TNRC6B: variants seen among roughly 807,000 people sequenced by gnomAD.
TNRC6B encodes trinucleotide repeat containing adaptor 6B.
TNRC6B carries 52 observed loss-of-function variants against 203.6 expected under a neutral mutation model. That is an observed-to-expected ratio of 0.26 (90% CI 0.20 to 0.32). TNRC6B has a LOEUF of 0.32. TNRC6B is among the 10% of genes least tolerant of loss of function. The pLI is 1.00. For synonymous variants in TNRC6B, 838 were observed against 845.7 expected (o/e 0.99, Z 0.16); for missense variants, 1,923 against 2,286.2 (o/e 0.84, Z 3.24).
intron 22 of TNRC6B, 47 bp downstream of exon 22, chr22:40,321,276 G>T: frequency 6.3e-7 from 1 of 1,597,696 alleles, no homozygotes; most frequent in Non-Finnish European, 8.6e-7. Context: ...GCATGAAGAT[G>T]CACCCGTGAG....
intron 1 of TNRC6B, among the ~76,000 whole-genome samples, chr22:40,076,194 A>G (rs1018222102): frequency 1.5e-4 from 23 of 152,228 alleles, no homozygotes; most frequent in Non-Finnish European, 3.2e-4. Flanking sequence ...AGGCAGGAGG[A>G]TAGCTTGAGC....
At chr22:40,305,571 G>A (rs755265420) in intron 15 of TNRC6B, among the ~76,000 whole-genome samples, 1 of 152,242 alleles carries the variant, frequency 6.6e-6, no homozygotes, top group East Asian at 1.9e-4. Flanking sequence ...ATATCCTAGC[G>A]TCAGGCTGGT....
Position 40,278,024 on chromosome 22 carries a change from G to A in TNRC6B, c.3242G>A (p.Ser1081Asn), listed in dbSNP as rs535116242. 5 of 1,562,654 alleles carry A rather than the reference G, an allele frequency of 3.2e-6. No individual in the cohort carries two copies. The Admixed American group carries it at 7.7e-5, about 24-fold the overall frequency. The change falls in exon 9 of 23, where the codon AGC becomes AAC. Residue 1081 changes from serine to asparagine, a missense_variant. Ser to Asn is a conservative substitution (Grantham distance 46, BLOSUM62 1). This residue lies in a region of TNRC6B where 599 missense variants were observed against 656.5 expected (regional missense o/e 0.91). Transcript: ENST00000454349. Reference sequence around the variant, plus strand: ...AGTCAGACTGAAGATAATCCAAGCAGCAAAATGGATTTGTCTGTAGGTGTG... The same window carrying A: ...AGTCAGACTGAAGATAATCCAAGCAACAAAATGGATTTGTCTGTAGGTGTG... ...LLSQTEDNPS[S>N]KMDLSVGSLS... is the part of the protein sequence containing the mutation.
rs181542256 is a variant in TNRC6B, at chr22:40,192,191, T to C, written c.5+14051T>C. Among the ~76,000 whole-genome samples, 299 of 152,372 alleles carry C rather than the reference T, an allele frequency of 2.0e-3. 3 individuals carry two copies. In the Middle Eastern group the frequency reaches 0.024, roughly 12 times the overall value. On this transcript the variant is annotated intron_variant, in intron 1 of 22. Transcript: ENST00000454349. ...ATGCCTGGCCCAGAAATTTGGATTT[T>C]ATCCCGTAGAAAGCAGTTTTAAAAA...
At chr22:40,279,886 T>C (rs546220198) in intron 9 of TNRC6B, 109 bp from the exon 10 acceptor site, 14 of 870,754 alleles carry the variant, frequency 1.6e-5, no homozygotes, top group Non-Finnish European at 2.3e-5. Flanking sequence ...ATAGAAATAT[T>C]AATAGCTTAT....
Position 40,335,186 on chromosome 22 carries a change from T to C in TNRC6B, c.*11945T>C, listed in dbSNP as rs2044019944. On this transcript the variant is annotated 3_prime_UTR_variant, in exon 23 of 23. Transcript: ENST00000454349. ...TCTTTTTTTTTTTTTTTTTTTTTTTTTTTAGCATAGAGGTTTAATCAAACT... is the reference window on the plus strand; with the variant it reads ...TCTTTTTTTTTTTTTTTTTTTTTTTCTTTAGCATAGAGGTTTAATCAAACT... 1.4e-5 allele frequency: 2 copies of C among 148,004 alleles called. No homozygotes were observed. Among genetic ancestry groups the C allele is most frequent in the Admixed American group, 1.3e-4 (2 of 14,838 alleles). 9.2% of individuals were successfully genotyped at this position (148,004 alleles called of 1,614,324 possible).
intron 4 of TNRC6B, among the ~76,000 whole-genome samples, chr22:40,159,328 A>G (rs2068850928): frequency 6.7e-6 from 1 of 149,882 alleles, no homozygotes; most frequent in Non-Finnish European, 1.5e-5. Context: ...TCAAACAGCA[A>G]TTGTGACTGT....
chr22:40,294,961 G>A (rs769783835), intron 12 of TNRC6B, among the ~76,000 whole-genome samples: 1 of 152,178 alleles, frequency 6.6e-6, no homozygotes, highest in Non-Finnish European at 1.5e-5. Context: ...TATTAAAATA[G>A]AAAGTCAAAC....
intron 4 of TNRC6B, among the ~76,000 whole-genome samples, chr22:40,168,334 A>G (rs2068940003): frequency 6.6e-6 from 1 of 152,168 alleles, no homozygotes; most frequent in African/African-American, 2.4e-5. Flanking sequence ...TTAAGGGTCC[A>G]TTGTTTAGAG....
At chr22:40,315,636 G>A (rs1301653937) in intron 20 of TNRC6B, 129 bp downstream of exon 20, 2 of 1,099,270 alleles carry the variant, frequency 1.8e-6, no homozygotes, top group South Asian at 1.6e-5. Flanking sequence ...TCTTCTGGTA[G>A]AGGAAAAGGT....
At chr22:40,066,984 A>G (rs569650026) in intron 1 of TNRC6B, among the ~76,000 whole-genome samples, 2 of 151,620 alleles carry the variant, frequency 1.3e-5, no homozygotes, top group African/African-American at 2.4e-5. Flanking sequence ...TCTCACTACA[A>G]CTTCAACCTC....
chr22:40,164,782 T>C (rs866457635), intron 4 of TNRC6B, among the ~76,000 whole-genome samples: 3 of 29,678 alleles, frequency 1.0e-4, no homozygotes, highest in Non-Finnish European at 1.8e-4. Context: ...AAAAAAAGTT[T>C]TTTTTTTTTT....
intron 3 of TNRC6B, among the ~76,000 whole-genome samples, chr22:40,254,784 G>A (rs2070244595): frequency 6.6e-6 from 1 of 152,160 alleles, no homozygotes; most frequent in Non-Finnish European, 1.5e-5. Context: ...CTACTCAGGA[G>A]GCTGAGGCAG....
In TNRC6B at chr22:40,250,192, C is replaced by A. The variant is rs1366829438; in HGVS notation, c.94-987C>A. Among the ~76,000 whole-genome samples the A allele has an allele frequency of 3.3e-5, 5 of 152,228 alleles. No individual in the cohort carries two copies. In the East Asian group the frequency reaches 9.6e-4, roughly 29 times the overall value. ...GTTGGGAAAATGGGTCAGAATCACC[C>A]ACAATCTCAAAAATTTAGTGTAACC... On this transcript the variant is annotated intron_variant, in intron 2 of 22. Transcript: ENST00000454349.
intron 15 of TNRC6B, among the ~76,000 whole-genome samples, chr22:40,303,778 G>T (rs1247128635): frequency 2.6e-5 from 4 of 152,130 alleles, no homozygotes; most frequent in African/African-American, 7.2e-5. Flanking sequence ...GGACGTGGTG[G>T]TGTGCACCTG....
chr22:40,104,032 C>G (rs536085582), intron 1 of TNRC6B, among the ~76,000 whole-genome samples: 1 of 150,300 alleles, frequency 6.7e-6, no homozygotes, highest in Non-Finnish European at 1.5e-5. Flanking sequence ...GCAGGTGGAT[C>G]ACAAGGTCAG....
chr22:40,176,228 G>A (rs930567233), upstream of TNRC6B, among the ~76,000 whole-genome samples: 3 of 151,192 alleles, frequency 2.0e-5, no homozygotes, highest in African/African-American at 4.9e-5. Flanking sequence ...GGGTTCAAGC[G>A]ATTCTCCTGC....
intron 1 of TNRC6B, among the ~76,000 whole-genome samples, chr22:40,226,324 T>G (rs1281201419): frequency 6.6e-6 from 1 of 152,160 alleles, no homozygotes; most frequent in African/African-American, 2.4e-5. Context: ...GTCTGCCGAT[T>G]TTTTTCAATA....
chr22:40,099,254 GAA>G (rs60507984), intron 1 of TNRC6B, among the ~76,000 whole-genome samples: 9 of 121,520 alleles, frequency 7.4e-5, no homozygotes, highest in African/African-American at 1.1e-4. Context: ...ACTCTGTCTC[GAA>G]AAAAAAAAAA....
Sources: allele counts gnomAD v4.1 joint callset (sites outside exome capture counted in the v4.1 genomes callset), GRCh38; gene constraint gnomAD v4.1.1; regional missense constraint gnomAD v4.1.1; transcripts MANE v1.5; gene names NCBI Gene and HGNC (gene_info 2026-07-23, HGNC 2026-07-21).